MIAT: variants seen among roughly 807,000 people sequenced by gnomAD.
MIAT encodes MI related novel mRNA.
At chr22:26,646,515 G>A (rs533116890) in exon 1 of MIAT, 2 of 399,054 alleles carry the variant, frequency 5.0e-6, no homozygotes, top group African/African-American at 4.1e-5. Context: ...GCCTCAGAAG[G>A]TGTCGTGGGA....
intron 4 of MIAT, chr22:26,667,025 CCCT>C (rs1602367569): frequency 2.5e-6 from 1 of 398,108 alleles, no homozygotes. Context: ...CACCTGTGCC[CCCT>C]CCTCAGGCCC....
intron 4 of MIAT, chr22:26,667,173 C>G: frequency 5.0e-6 from 2 of 398,654 alleles, no homozygotes; most frequent in Non-Finnish European, 8.8e-6. Flanking sequence ...TTTAGCAAGT[C>G]CCTTCATTCA....
downstream of MIAT, chr22:26,673,404 C>G (rs994529002): frequency 1.0e-5 from 4 of 398,908 alleles, no homozygotes; most frequent in Non-Finnish European, 1.3e-5. Flanking sequence ...ACCCTGACTG[C>G]CCCAGGGGCT....
At chr22:26,665,237 T>C (rs903591302) in intron 3 of MIAT, among the ~76,000 whole-genome samples, 1 of 94,456 alleles carries the variant, frequency 1.1e-5, no homozygotes, top group Non-Finnish European at 2.4e-5. Flanking sequence ...TGAGATCCTG[T>C]CTCCAGAAAA....
chr22:26,647,034 A>G, intron 1 of MIAT: 1 of 398,114 alleles, frequency 2.5e-6, no homozygotes, highest in Non-Finnish European at 4.4e-6. Context: ...TTGGCTTTTA[A>G]AGGAAAGACT....
chr22:26,672,346 G>A (rs1931080164), downstream of MIAT: 1 of 399,222 alleles, frequency 2.5e-6, no homozygotes, highest in East Asian at 3.6e-5. Flanking sequence ...CATATTGGCT[G>A]TAAGATCAGA....
At chr22:26,674,975 C>T (rs537012733) in exon 5 of MIAT, 1 of 398,624 alleles carries the variant, frequency 2.5e-6, no homozygotes, top group East Asian at 3.6e-5. Context: ...TATGATTGGT[C>T]AGGGGTCTGT....
intron 2 of MIAT, among the ~76,000 whole-genome samples, chr22:26,648,318 C>T (rs1050766214): frequency 1.3e-5 from 2 of 152,186 alleles, no homozygotes; most frequent in Admixed American, 1.3e-4. Flanking sequence ...CACAAAAGGC[C>T]AGACAAAGAA....
chr22:26,659,840 C>CTTTTTTTTTTTTTTTTT (rs1189391284), intron 2 of MIAT, among the ~76,000 whole-genome samples: 1 of 94,964 alleles, frequency 1.1e-5, no homozygotes, highest in Non-Finnish European at 2.0e-5. Context: ...TTCTTTCTTT[C>CTTTTTTTTTTTTTTTTT]TTTTTTTTTT....
exon 1 of MIAT, chr22:26,646,561 T>G (rs1930238973): frequency 2.5e-6 from 1 of 398,702 alleles, no homozygotes; most frequent in Admixed American, 4.4e-5. Context: ...GGCCAGGATC[T>G]GGATGCAGAT....
chr22:26,673,128 G>A (rs1331975632), downstream of MIAT: 1 of 398,550 alleles, frequency 2.5e-6, no homozygotes, highest in African/African-American at 2.1e-5. Context: ...GTTTGCAGGA[G>A]AGAGAAGTGG....
chr22:26,673,831 G>A, downstream of MIAT: 1 of 398,642 alleles, frequency 2.5e-6, no homozygotes, highest in Non-Finnish European at 4.4e-6. Flanking sequence ...AGGCCTGATG[G>A]AGCAGTGGTA....
exon 6 of MIAT, chr22:26,668,452 C>T: frequency 5.0e-6 from 2 of 398,850 alleles, no homozygotes; most frequent in Non-Finnish European, 8.8e-6. Context: ...CTGCTCGGGC[C>T]CTGCCTGCTG....
intron 2 of MIAT, among the ~76,000 whole-genome samples, chr22:26,647,492 G>A (rs879113970): frequency 2.0e-5 from 3 of 151,852 alleles, no homozygotes. Context: ...GAAGGAGCGG[G>A]GCCCCAGTCA....
intron 2 of MIAT, among the ~76,000 whole-genome samples, chr22:26,649,405 C>T (rs1275818219): frequency 1.3e-5 from 2 of 152,196 alleles, no homozygotes; most frequent in Non-Finnish European, 2.9e-5. Flanking sequence ...GGATTCCTCC[C>T]CACTATTCCT....
At chr22:26,668,622 CAGGAACA>C (rs1930937224) in exon 6 of MIAT, 1 of 398,904 alleles carries the variant, frequency 2.5e-6, no homozygotes, top group Admixed American at 4.4e-5. Context: ...AGGATGGGGA[CAGGAACA>C]AGGATGGGAG....
At chr22:26,667,285 C>T (rs369640478) in exon 5 of MIAT, 13 of 398,050 alleles carry the variant, frequency 3.3e-5, no homozygotes, top group Admixed American at 2.2e-4. Flanking sequence ...TGTCAGAACA[C>T]GCTTTATTAC....
chr22:26,666,369 G>A (rs767580768), exon 4 of MIAT: 95 of 398,598 alleles, frequency 2.4e-4, no homozygotes, highest in Non-Finnish European at 3.7e-4. Context: ...GGAAAGGGCA[G>A]GGGAGAAGGA....
At chr22:26,659,608 C>T (rs956766702) in intron 2 of MIAT, among the ~76,000 whole-genome samples, 10 of 151,646 alleles carry the variant, frequency 6.6e-5, no homozygotes, top group Non-Finnish European at 1.0e-4. Context: ...GAGGCTGGGG[C>T]GGGAGGATGG....
Sources: allele counts gnomAD v4.1 joint callset (sites outside exome capture counted in the v4.1 genomes callset), GRCh38; gene constraint gnomAD v4.1.1; transcripts MANE v1.5; gene names NCBI Gene and HGNC (gene_info 2026-07-23, HGNC 2026-07-21).